Variants in EBF1 observed in about 807,000 individuals in gnomAD.
The protein encoded by EBF1 is EBF transcription factor 1, also known as transcription factor COE1.
In EBF1, 10 loss-of-function variants were observed where a neutral mutation model predicts 68.4. The ratio of observed to expected loss-of-function variants is 0.15; its 90% CI spans 0.09 to 0.25. The LOEUF is 0.25. Ranked by LOEUF, EBF1 falls within the 10% of genes least tolerant of loss-of-function variation. EBF1 has a pLI of 1.00. For synonymous variants in EBF1, 298 were observed against 299.8 expected (o/e 0.99, Z 0.06); for missense variants, 509 against 794.4 (o/e 0.64, Z 4.32).
chr5:159,000,488 A>C (rs1235241962), intron 6 of EBF1, among the ~76,000 whole-genome samples: 1 of 152,176 alleles, frequency 6.6e-6, no homozygotes, highest in African/African-American at 2.4e-5. Context: ...TTTTTACTTG[A>C]AAATACAACT....
At chr5:158,836,793 A>C (rs911389320) in intron 7 of EBF1, among the ~76,000 whole-genome samples, 39 of 152,340 alleles carry the variant, frequency 2.6e-4, no homozygotes, top group African/African-American at 8.9e-4. Context: ...AAGCAGGTTA[A>C]ACCTGAGACC....
intron 9 of EBF1, among the ~76,000 whole-genome samples, chr5:158,789,414 G>T (rs1040310021): frequency 6.6e-6 from 1 of 151,950 alleles, no homozygotes; most frequent in African/African-American, 2.4e-5. Context: ...TATTTTAGTG[G>T]AGCTGTATCT....
At chr5:158,874,515 C>T (rs771925882) in intron 6 of EBF1, among the ~76,000 whole-genome samples, 1 of 152,150 alleles carries the variant, frequency 6.6e-6, no homozygotes, top group Non-Finnish European at 1.5e-5. Context: ...CCGAAACCAA[C>T]CACGTGTTGG....
intron 6 of EBF1, among the ~76,000 whole-genome samples, chr5:158,995,496 C>T (rs1162117934): frequency 6.6e-6 from 1 of 152,140 alleles, no homozygotes; most frequent in Admixed American, 6.5e-5. Context: ...CTTCTGAGTC[C>T]TGAGTCTAAA....
At position 158,750,748 on chromosome 5, in the gene EBF1, T is replaced by A. The variant is rs538855661; in HGVS notation, c.1037-19591A>T. On this transcript the variant is annotated intron_variant, in intron 10 of 15. Coordinates refer to ENST00000313708, the MANE Select transcript of EBF1 (RefSeq NM_024007.5). Reference sequence around the variant, plus strand: ...AAAAAATTATTTCAAAAGTTTTTTTTAAAAATCTACCACTTGCAAAAAAAA... The same window carrying A: ...AAAAAATTATTTCAAAAGTTTTTTTAAAAAATCTACCACTTGCAAAAAAAA... Among the ~76,000 whole-genome samples the A allele has an allele frequency of 3.9e-3, 599 of 152,008 alleles. 4 individuals are homozygous for A. Among genetic ancestry groups the A allele is most frequent in the African/African-American group, 0.013 (551 of 41,484 alleles).
At position 158,712,451 on chromosome 5, in the gene EBF1, G is replaced by A; in HGVS notation, c.1370-118C>T. 1.8e-5 allele frequency: 21 copies of A among 1,152,320 alleles called. No individual in the cohort carries two copies. In the South Asian group the frequency reaches 2.7e-4, roughly 15 times the overall value. The allele number at this position is 1,152,320 out of a possible 1,614,324, so 71.4% of individuals were successfully genotyped here. ...CCCGTCGCCGCAACCCAGAGGGAAG[G>A]GATTGGGTGATTCATGTGCGTGGGT... is the stretch of plus-strand genomic sequence containing the variant. On this transcript the variant is annotated intron_variant, in intron 13 of 15. Transcript: ENST00000313708.
intron 6 of EBF1, among the ~76,000 whole-genome samples, chr5:159,057,163 A>G (rs1002463551): frequency 1.4e-5 from 2 of 140,892 alleles, no homozygotes; most frequent in South Asian, 2.2e-4. Flanking sequence ...CTGAAGTGCA[A>G]TGGCACCATC....
intron 6 of EBF1, among the ~76,000 whole-genome samples, chr5:159,062,136 C>A (rs1775961821): frequency 6.6e-6 from 1 of 152,152 alleles, no homozygotes; most frequent in African/African-American, 2.4e-5. Flanking sequence ...TCTCAATTAA[C>A]CTGATTAGTT....
chr5:159,019,982 G>A (rs1766347380), intron 6 of EBF1, among the ~76,000 whole-genome samples: 1 of 151,976 alleles, frequency 6.6e-6, no homozygotes, highest in African/African-American at 2.4e-5. Flanking sequence ...AACAACTTGG[G>A]GAGCTTGGGC....
chr5:158,743,508 C>T (rs1766891450), intron 10 of EBF1, among the ~76,000 whole-genome samples: 2 of 152,064 alleles, frequency 1.3e-5, no homozygotes, highest in South Asian at 2.1e-4. Context: ...ACGATGTGAT[C>T]AACATTTTAA....
rs545616848 is a variant in EBF1, at chr5:158,696,510, G to A, written c.*2601C>T. On this transcript the variant is annotated 3_prime_UTR_variant, in exon 16 of 16. Coordinates refer to ENST00000313708, the MANE Select transcript of EBF1 (RefSeq NM_024007.5). ...TCATTCCTTCAGAAACAGTTAAGGGGCTCACCAGATAAAATATGGCTTTAA... is the reference window on the plus strand; with the variant it reads ...TCATTCCTTCAGAAACAGTTAAGGGACTCACCAGATAAAATATGGCTTTAA... 54 of 224,736 alleles carry A rather than the reference G, an allele frequency of 2.4e-4. No homozygotes were observed. The highest frequency in any genetic ancestry group is 1.0e-3 in the African/African-American group (45 of 44,938). The allele number at this position is 224,736 out of a possible 1,614,324, so 13.9% of individuals were successfully genotyped here.
At chr5:158,981,814 T>C (rs1757955037) in intron 6 of EBF1, among the ~76,000 whole-genome samples, 1 of 152,188 alleles carries the variant, frequency 6.6e-6, no homozygotes, top group Non-Finnish European at 1.5e-5. Context: ...ACTATTGTTT[T>C]ATTTTAAATA....
intron 6 of EBF1, among the ~76,000 whole-genome samples, chr5:159,009,755 G>C (rs1366576354): frequency 1.4e-5 from 2 of 139,764 alleles, no homozygotes; most frequent in East Asian, 2.0e-4. Context: ...CTGGGCAAGA[G>C]AGCAAGACCC....
At chr5:159,011,496 G>GT (rs1764654120) in intron 6 of EBF1, among the ~76,000 whole-genome samples, 1 of 152,318 alleles carries the variant, frequency 6.6e-6, no homozygotes, top group East Asian at 1.9e-4. Flanking sequence ...GTTTGTGTTG[G>GT]TAAGTTTGGG....
intron 10 of EBF1, among the ~76,000 whole-genome samples, chr5:158,734,975 A>G (rs534929021): frequency 1.6e-4 from 24 of 152,296 alleles, no homozygotes; most frequent in Admixed American, 7.2e-4. Context: ...CAATGTTTAT[A>G]CCATGAGAAT....
chr5:159,053,018 T>G (rs991657975), intron 6 of EBF1, among the ~76,000 whole-genome samples: 4 of 152,232 alleles, frequency 2.6e-5, no homozygotes, highest in African/African-American at 7.2e-5. Context: ...ACAAAAGGAA[T>G]AGCGATTACG....
At chr5:158,753,356 C>T (rs1282604352) in intron 10 of EBF1, among the ~76,000 whole-genome samples, 1 of 152,032 alleles carries the variant, frequency 6.6e-6, no homozygotes, top group East Asian at 1.9e-4. Context: ...AATTTTGAAA[C>T]CATTTAAACA....
chr5:158,725,806 T>C (rs1020078587), intron 11 of EBF1, among the ~76,000 whole-genome samples: 2 of 152,154 alleles, frequency 1.3e-5, no homozygotes, highest in Non-Finnish European at 2.9e-5. Context: ...CGGAGGTTTG[T>C]TTGGGATGGT....
At chr5:158,848,124 CTA>C (rs1791893252) in intron 6 of EBF1, among the ~76,000 whole-genome samples, 1 of 152,176 alleles carries the variant, frequency 6.6e-6, no homozygotes, top group South Asian at 2.1e-4. Context: ...TACAACAGTC[CTA>C]TGAGATTCTA....
Sources: allele counts gnomAD v4.1 joint callset (sites outside exome capture counted in the v4.1 genomes callset), GRCh38; gene constraint gnomAD v4.1.1; transcripts MANE v1.5; gene names NCBI Gene and HGNC (gene_info 2026-07-23, HGNC 2026-07-21).